RASGRF2: variants seen among roughly 807,000 people sequenced by gnomAD.
The protein encoded by RASGRF2 is Ras protein specific guanine nucleotide releasing factor 2, also known as ras-specific guanine nucleotide-releasing factor 2.
In RASGRF2, 76 loss-of-function variants were observed where a neutral mutation model predicts 151.0. The observed-to-expected ratio is 0.50, with a 90% CI of 0.42 to 0.61. The LOEUF (loss-of-function observed/expected upper bound fraction) is 0.61. Ranked by LOEUF, RASGRF2 falls within the 20% of genes least tolerant of loss-of-function variation. The pLI, the probability that RASGRF2 is intolerant of heterozygous loss-of-function variation, is 0.00. For synonymous variants in RASGRF2, 504 were observed against 566.5 expected (o/e 0.89, Z 1.57); for missense variants, 1,148 against 1,564.6 (o/e 0.73, Z 4.49).
Position 81,217,411 on chromosome 5 carries a change from A to G in RASGRF2, c.3490A>G (p.Ile1164Val). The G allele has an allele frequency of 6.2e-7, 1 of 1,613,606 alleles. No individual in the cohort carries two copies. Among genetic ancestry groups the G allele is most frequent in the African/African-American group, 1.3e-5 (1 of 74,964 alleles). Residue 1164 changes from isoleucine to valine, a missense_variant, in exon 25 of 27, where the codon ATT (isoleucine) becomes GTT (valine). Physicochemically the swap from Ile to Val is conservative, Grantham distance 29. Transcript: ENST00000265080. ...GATGTACTTGACAGACCTGGCATTT[A>G]TTGAAGAAGGAACACCAAACTTTAC... Reference protein sequence around the residue: ...LGMYLTDLAFIEEGTPNFTEE... With the variant: ...LGMYLTDLAFVEEGTPNFTEE...
intron 10 of RASGRF2, 41 bp from the exon 11 acceptor site, chr5:81,094,255 A>G (rs1376250305): frequency 6.6e-7 from 1 of 1,524,664 alleles, no homozygotes; most frequent in Admixed American, 1.7e-5. Context: ...CAATCTACAC[A>G]AGACCTTCAG....
At chr5:81,162,755 T>C (rs555290370) in intron 17 of RASGRF2, among the ~76,000 whole-genome samples, 1 of 152,326 alleles carries the variant, frequency 6.6e-6, no homozygotes, top group Non-Finnish European at 1.5e-5. Context: ...AGTGCAAACA[T>C]TGAGCATTGC....
Position 81,201,374 on chromosome 5 carries a change from G to A in RASGRF2, c.2838G>A (p.Leu946=). 1.2e-6 allele frequency: 2 copies of A among 1,613,770 alleles called. No individual in the cohort carries two copies. The highest frequency in any genetic ancestry group is 1.7e-6 in the Non-Finnish European group (2 of 1,179,926). The change falls in exon 19 of 27, where the codon TTG becomes TTA. Residue 946 remains leucine (L), a synonymous_variant. Coordinates refer to ENST00000265080, the MANE Select transcript of RASGRF2 (RefSeq NM_006909.3). The part of the protein sequence containing the change: ...NNELKMNVLN[L]LEEVLRDPDL... Reference sequence around the variant, plus strand: ...AACTAAAGATGAATGTCCTAAATTTGCTAGAAGAAGTTTTGCGAGACCCAG... The same window carrying A: ...AACTAAAGATGAATGTCCTAAATTTACTAGAAGAAGTTTTGCGAGACCCAG...
chr5:81,059,926 G>T (rs1442427193), intron 2 of RASGRF2, among the ~76,000 whole-genome samples: 1 of 152,220 alleles, frequency 6.6e-6, no homozygotes, highest in Non-Finnish European at 1.5e-5. Context: ...TCACAGTTCT[G>T]CAGGCTGTAC....
chr5:81,213,206 T>C (rs1276356788), intron 23 of RASGRF2, among the ~76,000 whole-genome samples: 1 of 152,144 alleles, frequency 6.6e-6, no homozygotes, highest in Non-Finnish European at 1.5e-5. Flanking sequence ...CCTCCTGTGG[T>C]CATTCTTTGC....
rs1490796661 is a variant in RASGRF2 at position 81,229,196 on chromosome 5, T to A, written c.*3426T>A. On this transcript the variant is annotated 3_prime_UTR_variant, in exon 27 of 27. Coordinates refer to ENST00000265080, the MANE Select transcript of RASGRF2 (RefSeq NM_006909.3). ...TTGATTTTATCCCCTTGAAAAAAAA[T>A]CTCTTCACTTTAAAGTATAAAGGTT... 1 of 151,894 alleles carries A rather than the reference T, an allele frequency of 6.6e-6. No homozygotes were observed. Among genetic ancestry groups the A allele is most frequent in the Admixed American group, 6.6e-5 (1 of 15,256 alleles). The allele number at this position is 151,894 out of a possible 1,614,324, so 9.4% of individuals were successfully genotyped here. A position where few individuals can be genotyped will look rare whatever the true frequency, so the allele number is the denominator to read the frequency against.
At chr5:81,175,844 G>A (rs1215905897) in intron 17 of RASGRF2, among the ~76,000 whole-genome samples, 4 of 151,548 alleles carry the variant, frequency 2.6e-5, no homozygotes, top group African/African-American at 4.9e-5. Flanking sequence ...GACAGATTAC[G>A]TCCCATTTGT....
intron 1 of RASGRF2, among the ~76,000 whole-genome samples, chr5:81,027,459 G>T (rs1414188863): frequency 2.6e-5 from 4 of 152,258 alleles, no homozygotes; most frequent in Non-Finnish European, 5.9e-5. Context: ...CAGTCACTCT[G>T]CTCTGCCCAT....
chr5:80,996,505 C>CTTCTTCTTCTTCTTCTTCT (rs56082157), intron 1 of RASGRF2, among the ~76,000 whole-genome samples: 566 of 47,744 alleles, frequency 0.012, 114 homozygotes, highest in Admixed American at 0.018. Flanking sequence ...CTTCTTCTTC[C>CTTCTTCTTCTTCTTCTTCT]TCCTCCTCCT....
chr5:81,105,421 C>T lies in RASGRF2; in HGVS notation c.1756-3575C>T, dbSNP rs560623619. Among the ~76,000 whole-genome samples, 222 of 152,256 alleles carry T rather than the reference C, an allele frequency of 1.5e-3. 1 individual carries two copies. Among genetic ancestry groups the T allele is most frequent in the African/African-American group, 5.1e-3 (213 of 41,554 alleles). On this transcript the variant is annotated intron_variant, in intron 12 of 26. Coordinates refer to ENST00000265080, the MANE Select transcript of RASGRF2 (RefSeq NM_006909.3). Reference sequence around the variant, plus strand: ...CCTCCAGCGCCCGTCCCCACCTTGTCTGGGCTCCACTTAAACAGTGTGGTT... The same window carrying T: ...CCTCCAGCGCCCGTCCCCACCTTGTTTGGGCTCCACTTAAACAGTGTGGTT...
Position 81,226,460 on chromosome 5 carries a change from T to A in RASGRF2, c.*690T>A, listed in dbSNP as rs192219342. The stretch of plus-strand genomic sequence containing the variant: ...TGCAGTAGGCTGTGCCCCAGAGGAT[T>A]CCAGACAGTGGCTGGCTGAGGTGGG... On this transcript the variant is annotated 3_prime_UTR_variant, in exon 27 of 27. Transcript: ENST00000265080. 6.6e-6 allele frequency: 1 copy of A among 152,328 alleles called. No homozygotes were observed. Among genetic ancestry groups the A allele is most frequent in the African/African-American group, 2.4e-5 (1 of 41,566 alleles). The allele number at this position is 152,328 out of a possible 1,614,324, so 9.4% of individuals were successfully genotyped here. A position where few individuals can be genotyped will look rare whatever the true frequency, so the allele number is the denominator to read the frequency against.
intron 1 of RASGRF2, among the ~76,000 whole-genome samples, chr5:80,992,992 G>A (rs1198231054): frequency 1.3e-5 from 2 of 152,146 alleles, no homozygotes; most frequent in Admixed American, 1.3e-4. Flanking sequence ...GCTGAGACTC[G>A]AAAGAAACAC....
intron 1 of RASGRF2, among the ~76,000 whole-genome samples, chr5:81,010,012 C>T (rs796234909): frequency 4.9e-4 from 75 of 151,956 alleles, no homozygotes; most frequent in East Asian, 1.9e-3. Flanking sequence ...AAAAATTAGC[C>T]GGGCATGGGG....
chr5:81,075,809 C>T (rs1057248860), intron 5 of RASGRF2, among the ~76,000 whole-genome samples: 1 of 151,936 alleles, frequency 6.6e-6, no homozygotes, highest in Non-Finnish European at 1.5e-5. Flanking sequence ...GATTCTGGGC[C>T]GAAGATAGAA....
rs917769338 is a variant in RASGRF2, at chr5:81,073,324, G to A, written c.759G>A (p.Glu253=). 10 of 1,614,148 alleles carry A rather than the reference G, an allele frequency of 6.2e-6. No homozygotes were observed. Among genetic ancestry groups the A allele is most frequent in the Non-Finnish European group, 6.8e-6 (8 of 1,180,026 alleles). ...ACCAGATTGTGTTCACCATGGTGGA[G>A]GCAGAGTCAGAGTACGTTCACCAGC... The part of the protein sequence containing the change: ...KRNQIVFTMV[E]AESEYVHQLY... The change falls in exon 5 of 27, where the codon GAG becomes GAA. Residue 253 remains glutamate, a synonymous_variant. Transcript: ENST00000265080.
At chr5:81,207,178 A>G in intron 20 of RASGRF2, 68 bp from the exon 21 acceptor site, 3 of 1,321,860 alleles carry the variant, frequency 2.3e-6, no homozygotes, top group Non-Finnish European at 3.2e-6. Flanking sequence ...TGTCTGCCTC[A>G]CTGACCTGCA....
chr5:81,062,296 C>T (rs942849867), intron 2 of RASGRF2, among the ~76,000 whole-genome samples: 1 of 152,036 alleles, frequency 6.6e-6, no homozygotes, highest in Non-Finnish European at 1.5e-5. Context: ...CTCTTATGTC[C>T]CTGTCTTTTG....
chr5:81,113,868 C>G lies in RASGRF2; in HGVS notation c.2418C>G (p.Val806=). Residue 806 remains valine, a synonymous_variant, in exon 15 of 27, where the codon GTC becomes GTG. Coordinates refer to ENST00000265080, the MANE Select transcript of RASGRF2 (RefSeq NM_006909.3). ...EQSPGTVEEN[V]DNPRVDLCNK... is the part of the protein sequence containing the mutation. ...GCCCGGGAACGGTAGAAGAGAATGT[C>G]GATAACCCACGCGTGGATCTGTGTA... The G allele has an allele frequency of 6.2e-7, 1 of 1,614,134 alleles. No homozygotes were observed. The highest frequency in any genetic ancestry group is 8.5e-7 in the Non-Finnish European group (1 of 1,180,014).
At chr5:81,119,089 G>A (rs1010824141) in intron 15 of RASGRF2, among the ~76,000 whole-genome samples, 3 of 152,064 alleles carry the variant, frequency 2.0e-5, no homozygotes, top group East Asian at 3.9e-4. Context: ...CATCCTTAAC[G>A]CTCCATCCAT....
Sources: gnomAD v4.1 joint callset for allele counts (sites outside exome capture counted in the v4.1 genomes callset) on GRCh38, gnomAD v4.1.1 for gene constraint, MANE v1.5 for transcripts, NCBI Gene and HGNC (gene_info 2026-07-23, HGNC 2026-07-21) for gene names.